Variants in DGKI observed in about 807,000 individuals in gnomAD.
DGKI encodes diacylglycerol kinase iota.
DGKI carries 55 observed loss-of-function variants against 147.5 expected under a neutral mutation model. That is an observed-to-expected ratio of 0.37 (90% CI 0.30 to 0.47). The LOEUF (loss-of-function observed/expected upper bound fraction) is 0.47. Among genes scored for constraint, DGKI ranks in the 20% least tolerant of loss-of-function variants. DGKI has a pLI of 1.00. For synonymous variants in DGKI, 469 were observed against 477.1 expected (o/e 0.98, Z 0.22); for missense variants, 1,007 against 1,323.8 (o/e 0.76, Z 3.71).
chr7:137,661,486 C>A (rs1292465760), intron 3 of DGKI, among the ~76,000 whole-genome samples: 2 of 151,994 alleles, frequency 1.3e-5, no homozygotes, highest in Admixed American at 1.3e-4. Flanking sequence ...GGGGAAAGGG[C>A]CAGAGGGGGG....
chr7:137,405,609 G>C (rs1215589525), intron 30 of DGKI, among the ~76,000 whole-genome samples: 1 of 152,186 alleles, frequency 6.6e-6, no homozygotes, highest in Non-Finnish European at 1.5e-5. Context: ...AGTGGAATCT[G>C]TTTCCCAACC....
At position 137,715,184 on chromosome 7, in the gene DGKI, C is replaced by T. The variant is rs192306525; in HGVS notation, c.402-25182G>A. ...TTTTGAGAATCTGATCTAAATGGTA[C>T]GGGTAGAAACTAGGCTTCAATATTT... On this transcript the variant is annotated intron_variant, in intron 1 of 32. Coordinates refer to ENST00000614521, the MANE Select transcript of DGKI (RefSeq NM_001321708.2). Among the ~76,000 whole-genome samples the T allele has an allele frequency of 5.1e-3, 783 of 152,224 alleles. 2 individuals carry two copies. The highest frequency in any genetic ancestry group is 7.8e-3 in the Non-Finnish European group (528 of 68,010).
chr7:137,399,015 T>TTTTTC (rs1554396008), intron 30 of DGKI, among the ~76,000 whole-genome samples: 1 of 146,582 alleles, frequency 6.8e-6, no homozygotes, highest in Non-Finnish European at 1.5e-5. Context: ...TTTTTTTTTT[T>TTTTTC]CACAAAAGCT....
intron 28 of DGKI, among the ~76,000 whole-genome samples, chr7:137,435,917 T>A (rs561011777): frequency 6.6e-6 from 1 of 152,250 alleles, no homozygotes; most frequent in Non-Finnish European, 1.5e-5. Flanking sequence ...GCAGCTGGGA[T>A]TACAGGCATG....
chr7:137,506,082 T>A (rs140372371), intron 21 of DGKI, among the ~76,000 whole-genome samples: 77 of 152,334 alleles, frequency 5.1e-4, no homozygotes, highest in South Asian at 1.4e-3. Context: ...ACTCTTACCA[T>A]GCAATCTAGC....
chr7:137,779,627 T>C (rs1389181722), intron 1 of DGKI, among the ~76,000 whole-genome samples: 1 of 152,112 alleles, frequency 6.6e-6, no homozygotes. Flanking sequence ...TTTTAAACAA[T>C]TAAAAATAGT....
At chr7:137,582,920 G>A (rs780110950) in intron 14 of DGKI, among the ~76,000 whole-genome samples, 152 of 152,200 alleles carry the variant, frequency 1.0e-3, no homozygotes, top group Admixed American at 1.6e-3. Flanking sequence ...CTAATTATCC[G>A]GTTTGTGTCC....
intron 1 of DGKI, among the ~76,000 whole-genome samples, chr7:137,842,269 C>G (rs1015486983): frequency 6.6e-6 from 1 of 152,170 alleles, no homozygotes; most frequent in African/African-American, 2.4e-5. Context: ...TACGTGGCTT[C>G]GAACTCCTCA....
At chr7:137,617,082 T>C (rs1431380815) in intron 8 of DGKI, among the ~76,000 whole-genome samples, 1 of 134,548 alleles carries the variant, frequency 7.4e-6, no homozygotes, top group African/African-American at 2.9e-5. Context: ...GCTGATATCC[T>C]CTTCCTGTGA....
intron 21 of DGKI, among the ~76,000 whole-genome samples, chr7:137,502,638 C>A (rs1410941452): frequency 6.6e-6 from 1 of 152,058 alleles, no homozygotes; most frequent in Admixed American, 6.6e-5. Context: ...GTTATTTAAT[C>A]TTTGCCACAA....
chr7:137,706,658 C>T (rs562507370), intron 1 of DGKI, among the ~76,000 whole-genome samples: 8 of 151,438 alleles, frequency 5.3e-5, no homozygotes, highest in East Asian at 1.9e-4. Flanking sequence ...CTGCAACCTC[C>T]GCCTCCCGGG....
At chr7:137,428,699 C>A (rs1325579783) in intron 28 of DGKI, among the ~76,000 whole-genome samples, 1 of 152,094 alleles carries the variant, frequency 6.6e-6, no homozygotes, top group Admixed American at 6.5e-5. Flanking sequence ...GCAACTTCAG[C>A]AAAGTCTCAG....
At chr7:137,398,935 A>G (rs1280737670) in intron 30 of DGKI, among the ~76,000 whole-genome samples, 1 of 151,978 alleles carries the variant, frequency 6.6e-6, no homozygotes, top group Non-Finnish European at 1.5e-5. Flanking sequence ...ACTTGCAAGT[A>G]TTTAAACACT....
chr7:137,677,384 C>T (rs376680312), intron 3 of DGKI, among the ~76,000 whole-genome samples: 3 of 152,172 alleles, frequency 2.0e-5, no homozygotes, highest in Admixed American at 2.0e-4. Flanking sequence ...CCAGGTTTCC[C>T]GACTTCCAAT....
At chr7:137,778,800 A>G (rs565656890) in intron 1 of DGKI, among the ~76,000 whole-genome samples, 157 of 152,320 alleles carry the variant, frequency 1.0e-3, no homozygotes, top group Non-Finnish European at 1.7e-3. Flanking sequence ...CAGATAACTT[A>G]GGGGAAGGCA....
At chr7:137,611,119 G>C (rs919133736) in intron 8 of DGKI, among the ~76,000 whole-genome samples, 1 of 152,076 alleles carries the variant, frequency 6.6e-6, no homozygotes, top group Admixed American at 6.6e-5. Flanking sequence ...GGAATATTTC[G>C]CATTATGAAA....
At chr7:137,595,275 A>G (rs1467346447) in intron 12 of DGKI, among the ~76,000 whole-genome samples, 2 of 152,262 alleles carry the variant, frequency 1.3e-5, no homozygotes, top group African/African-American at 4.8e-5. Flanking sequence ...GATCACAGAC[A>G]TTCGAAACTG....
At chr7:137,732,321 T>C (rs1794908848) in intron 1 of DGKI, among the ~76,000 whole-genome samples, 1 of 152,036 alleles carries the variant, frequency 6.6e-6, no homozygotes, top group Admixed American at 6.6e-5. Context: ...AATACTGGGG[T>C]GTTTTCAACT....
chr7:137,694,850 C>T (rs1176073691), intron 1 of DGKI, among the ~76,000 whole-genome samples: 3 of 152,190 alleles, frequency 2.0e-5, no homozygotes, highest in Non-Finnish European at 2.9e-5. Context: ...CCAAGCCCCG[C>T]ACAAACTTCA....
Sources: allele counts gnomAD v4.1 joint callset (sites outside exome capture counted in the v4.1 genomes callset), GRCh38; gene constraint gnomAD v4.1.1; transcripts MANE v1.5; gene names NCBI Gene and HGNC (gene_info 2026-07-23, HGNC 2026-07-21).